Variants in ANKS1B observed in about 807,000 individuals in gnomAD.
ANKS1B encodes ankyrin repeat and sterile alpha motif domain containing 1B.
In ANKS1B, 36 loss-of-function variants were observed where a neutral mutation model predicts 148.3. The ratio of observed to expected loss-of-function variants is 0.24; its 90% CI spans 0.19 to 0.32. ANKS1B has a LOEUF of 0.32. Ranked by LOEUF, ANKS1B falls within the 10% of genes least tolerant of loss-of-function variation. The pLI, the probability that ANKS1B is intolerant of heterozygous loss-of-function variation, is 1.00. For missense variants in ANKS1B, 1,157 were observed against 1,542.6 expected, an observed-to-expected ratio of 0.75 and a Z score of 4.19; for synonymous variants, 542 against 560.8, an observed-to-expected ratio of 0.97 and a Z score of 0.47.
At position 99,331,738 on chromosome 12, in the gene ANKS1B, G is replaced by A. The variant is rs545281185; in HGVS notation, c.1756+67893C>T. Among the ~76,000 whole-genome samples the A allele has an allele frequency of 2.0e-5, 3 of 152,100 alleles. No individual in the cohort carries two copies. In the South Asian group the frequency reaches 6.2e-4, roughly 32 times the overall value. On this transcript the variant is annotated intron_variant, in intron 12 of 26. Transcript: ENST00000683438. ...CAGCTGAAGAGGCTTCTGAAAACTG[G>A]AAAGATGGAATTTCCAGGGTTTGGG...
At chr12:98,902,601 C>T (rs1378366890) in intron 17 of ANKS1B, among the ~76,000 whole-genome samples, 4 of 152,104 alleles carry the variant, frequency 2.6e-5, no homozygotes, top group South Asian at 2.1e-4. Context: ...CCATGGACTC[C>T]GACCGTGGTT....
intron 17 of ANKS1B, among the ~76,000 whole-genome samples, chr12:98,841,623 C>A (rs1183684840): frequency 2.6e-5 from 4 of 152,150 alleles, no homozygotes; most frequent in Non-Finnish European, 4.4e-5. Context: ...TAGCCAGCTA[C>A]TACTGCACTT....
chr12:99,771,497 T>C (rs1567816746), intron 8 of ANKS1B, among the ~76,000 whole-genome samples: 1 of 152,036 alleles, frequency 6.6e-6, no homozygotes, highest in African/African-American at 2.4e-5. Flanking sequence ...ATAGCACAAA[T>C]ATGTTTTAAG....
At chr12:99,387,339 C>T (rs1022369214) in intron 12 of ANKS1B, among the ~76,000 whole-genome samples, 9 of 152,224 alleles carry the variant, frequency 5.9e-5, no homozygotes, top group East Asian at 3.9e-4. Flanking sequence ...GAAGCCTGGC[C>T]GGGCGCGGTG....
intron 15 of ANKS1B, chr12:99,104,969 A>G (rs2058814562): frequency 1.3e-5 from 2 of 152,234 alleles, no homozygotes; most frequent in Admixed American, 6.5e-5. Context: ...TGAGCACAGC[A>G]CCTGGCATAC....
chr12:99,701,206 C>T (rs1046231874), intron 8 of ANKS1B, among the ~76,000 whole-genome samples: 1 of 152,266 alleles, frequency 6.6e-6, no homozygotes, highest in East Asian at 1.9e-4. Context: ...AGTTGAGACA[C>T]TTTGGGGTTG....
At chr12:99,902,889 T>G (rs2093647600) in intron 1 of ANKS1B, among the ~76,000 whole-genome samples, 1 of 151,432 alleles carries the variant, frequency 6.6e-6, no homozygotes, top group South Asian at 2.1e-4. Context: ...CAGCTGGGAC[T>G]ACAGGCATGC....
At chr12:99,429,555 G>A (rs140052627) in intron 11 of ANKS1B, among the ~76,000 whole-genome samples, 531 of 152,304 alleles carry the variant, frequency 3.5e-3, no homozygotes, top group Non-Finnish European at 6.1e-3. Flanking sequence ...ATATTATTAG[G>A]ACAATTGGTG....
chr12:98,881,826 T>A (rs1482555279), intron 17 of ANKS1B, among the ~76,000 whole-genome samples: 1 of 152,244 alleles, frequency 6.6e-6, no homozygotes, highest in East Asian at 1.9e-4. Flanking sequence ...ATTTAATGCA[T>A]AAAGTCTAAT....
intron 1 of ANKS1B, among the ~76,000 whole-genome samples, chr12:99,884,163 G>C (rs1032426149): frequency 1.4e-4 from 22 of 152,120 alleles, no homozygotes; most frequent in African/African-American, 5.1e-4. Flanking sequence ...ATGAAAAGAT[G>C]CTCACTGTCA....
At chr12:99,399,484 C>T (rs2094345043) in intron 12 of ANKS1B, 147 bp downstream of exon 12, 1 of 763,872 alleles carries the variant, frequency 1.3e-6, no homozygotes, top group African/African-American at 1.8e-5. Flanking sequence ...GCCACACTGA[C>T]AAGAATCTTA....
intron 8 of ANKS1B, among the ~76,000 whole-genome samples, chr12:99,747,998 G>T (rs6538931): frequency 0.44 from 66,301 of 151,804 alleles, 14,860 homozygotes; most frequent in South Asian, 0.61. Context: ...GGCCTCATGT[G>T]TTCACTTTCT....
chr12:99,030,289 C>T (rs1023646946), intron 17 of ANKS1B, among the ~76,000 whole-genome samples: 1 of 152,276 alleles, frequency 6.6e-6, no homozygotes, highest in Middle Eastern at 3.4e-3. Flanking sequence ...GTGCCACATG[C>T]TGTTATGACC....
intron 11 of ANKS1B, among the ~76,000 whole-genome samples, chr12:99,418,272 C>T (rs566064565): frequency 6.6e-6 from 1 of 152,108 alleles, no homozygotes; most frequent in East Asian, 1.9e-4. Context: ...ATAAAATAAT[C>T]AGGGGATACA....
intron 9 of ANKS1B, among the ~76,000 whole-genome samples, chr12:99,530,624 A>T (rs550764071): frequency 9.2e-5 from 14 of 152,168 alleles, no homozygotes; most frequent in African/African-American, 2.7e-4. Context: ...AACAAAACTT[A>T]TGCAAATTTT....
intron 10 of ANKS1B, among the ~76,000 whole-genome samples, chr12:99,483,405 T>G (rs751738924): frequency 1.8e-4 from 27 of 152,008 alleles, no homozygotes; most frequent in Non-Finnish European, 3.7e-4. Context: ...TAGCTAGTAT[T>G]TTGTTCAGGA....
At chr12:99,680,258 T>C (rs1363131578) in intron 8 of ANKS1B, among the ~76,000 whole-genome samples, 2 of 152,052 alleles carry the variant, frequency 1.3e-5, no homozygotes, top group Admixed American at 6.5e-5. Flanking sequence ...CTGGCCAACA[T>C]GGCAAAACCC....
chr12:99,760,476 A>C (rs1364454203), intron 8 of ANKS1B, among the ~76,000 whole-genome samples: 1 of 151,908 alleles, frequency 6.6e-6, no homozygotes, highest in African/African-American at 2.4e-5. Flanking sequence ...AAATTAAGGC[A>C]GATATCAAAA....
chr12:99,961,643 G>C (rs193032798), intron 1 of ANKS1B, among the ~76,000 whole-genome samples: 1 of 152,130 alleles, frequency 6.6e-6, no homozygotes, highest in Admixed American at 6.5e-5. Context: ...CTCCAAGGAA[G>C]GATATATTAA....
Sources: gnomAD v4.1 joint callset for allele counts (sites outside exome capture counted in the v4.1 genomes callset) on GRCh38, gnomAD v4.1.1 for gene constraint, MANE v1.5 for transcripts, NCBI Gene and HGNC (gene_info 2026-07-23, HGNC 2026-07-21) for gene names.